The following TMEM117 variants were observed in gnomAD, a reference collection of about 807,000 sequenced individuals.
TMEM117 encodes transmembrane protein 117.
A neutral mutation model predicts 52.4 loss-of-function variants in TMEM117; 27 were observed. The ratio of observed to expected loss-of-function variants is 0.51; its 90% CI spans 0.38 to 0.71. TMEM117 has a LOEUF of 0.71. Ranked by LOEUF, TMEM117 falls within the 30% of genes least tolerant of loss-of-function variation. TMEM117 has a pLI of 0.00. For synonymous variants in TMEM117, 215 were observed against 206.3 expected (o/e 1.04, Z -0.36); for missense variants, 556 against 630.5 (o/e 0.88, Z 1.26).
intron 1 of TMEM117, among the ~76,000 whole-genome samples, chr12:43,840,674 A>C (rs1393675394): frequency 6.6e-6 from 1 of 152,242 alleles, no homozygotes; most frequent in African/African-American, 2.4e-5. Context: ...CTGGCAGTAA[A>C]CAGCCACTTC....
At chr12:44,220,173 A>G (rs929476574) in intron 5 of TMEM117, among the ~76,000 whole-genome samples, 3 of 152,194 alleles carry the variant, frequency 2.0e-5, no homozygotes, top group African/African-American at 4.8e-5. Flanking sequence ...GGAACTAGAC[A>G]TGCACAACTG....
chr12:44,199,133 C>T (rs1287247472), intron 4 of TMEM117, among the ~76,000 whole-genome samples: 1 of 151,750 alleles, frequency 6.6e-6, no homozygotes. Context: ...TCATGTCCTT[C>T]ATCATGATAA....
chr12:43,867,002 A>G (rs1241172990), intron 2 of TMEM117, among the ~76,000 whole-genome samples: 1 of 152,030 alleles, frequency 6.6e-6, no homozygotes, highest in African/African-American at 2.4e-5. Context: ...AAGCAGGAGA[A>G]TCGCTTGAAC....
At chr12:44,044,016 G>A (rs183844587) in intron 3 of TMEM117, among the ~76,000 whole-genome samples, 1 of 152,324 alleles carries the variant, frequency 6.6e-6, no homozygotes, top group Non-Finnish European at 1.5e-5. Flanking sequence ...GGAAATGCCT[G>A]CCCTCCCTTG....
At chr12:44,338,332 G>A (rs1052079174) in intron 6 of TMEM117, among the ~76,000 whole-genome samples, 2 of 152,012 alleles carry the variant, frequency 1.3e-5, no homozygotes, top group Non-Finnish European at 2.9e-5. Flanking sequence ...TTTATCTTTA[G>A]ACCTATCCTG....
chr12:44,146,728 G>T (rs754938373), intron 4 of TMEM117, among the ~76,000 whole-genome samples: 2 of 152,062 alleles, frequency 1.3e-5, no homozygotes, highest in African/African-American at 4.8e-5. Context: ...GAAGTCTAAC[G>T]TAGCCTTGAC....
intron 3 of TMEM117, among the ~76,000 whole-genome samples, chr12:43,986,563 G>A (rs1945850588): frequency 6.6e-6 from 1 of 152,010 alleles, no homozygotes; most frequent in Non-Finnish European, 1.5e-5. Flanking sequence ...TCTAAATGTG[G>A]ATTTCTTTTC....
chr12:44,010,331 T>C (rs1946269815), intron 3 of TMEM117: 3 of 439,858 alleles, frequency 6.8e-6, no homozygotes, highest in Non-Finnish European at 1.4e-5. Context: ...TCTGTTGCCA[T>C]GTCTCCCTGC....
chr12:44,096,212 G>T (rs1947758680), intron 3 of TMEM117, among the ~76,000 whole-genome samples: 1 of 152,206 alleles, frequency 6.6e-6, no homozygotes, highest in Non-Finnish European at 1.5e-5. Flanking sequence ...TGAAATAAAA[G>T]AGGATATAAA....
chr12:43,836,242 G>T (rs1480227119), intron 1 of TMEM117, 46 bp downstream of exon 1: 1 of 152,308 alleles, frequency 6.6e-6, no homozygotes, highest in Non-Finnish European at 1.5e-5. Flanking sequence ...CCAGCCGTTC[G>T]GTCCAGCCGC....
chr12:44,229,935 T>C (rs1231431036), intron 5 of TMEM117, among the ~76,000 whole-genome samples: 1 of 152,136 alleles, frequency 6.6e-6, no homozygotes, highest in Non-Finnish European at 1.5e-5. Flanking sequence ...CAAACTAACT[T>C]TGCATTTTAA....
chr12:44,094,717 C>T (rs376456877), intron 3 of TMEM117, among the ~76,000 whole-genome samples: 12 of 151,788 alleles, frequency 7.9e-5, no homozygotes, highest in African/African-American at 1.7e-4. Flanking sequence ...GCATCCAAGT[C>T]GATATTTCTA....
intron 6 of TMEM117, among the ~76,000 whole-genome samples, chr12:44,349,471 G>A (rs1329424478): frequency 6.6e-6 from 1 of 152,008 alleles, no homozygotes; most frequent in African/African-American, 2.4e-5. Flanking sequence ...GAGGAAATTA[G>A]GCAGTGCAAG....
intron 3 of TMEM117, among the ~76,000 whole-genome samples, chr12:44,023,165 T>C (rs930290576): frequency 6.6e-6 from 1 of 152,234 alleles, no homozygotes; most frequent in African/African-American, 2.4e-5. Flanking sequence ...CTTCATTTTT[T>C]ATGGCTGCAT....
Position 43,991,314 on chromosome 12 carries a change from C to G in TMEM117, c.410+46972C>G, listed in dbSNP as rs1361428029. ...TTCCACACAATATAGGATTTTGTTT[C>G]AAAATATCCTTGACAAATCGTCACA... is the stretch of plus-strand genomic sequence containing the variant. On this transcript the variant is annotated intron_variant, in intron 3 of 7. Transcript: ENST00000266534. Among the ~76,000 whole-genome samples, 5 of 152,106 alleles carry G rather than the reference C, an allele frequency of 3.3e-5. No individual in the cohort carries two copies. The East Asian group carries it at 7.7e-4, about 23-fold the overall frequency.
intron 6 of TMEM117, among the ~76,000 whole-genome samples, chr12:44,347,019 G>A (rs1951497272): frequency 6.6e-6 from 1 of 151,850 alleles, no homozygotes; most frequent in Admixed American, 6.6e-5. Context: ...TTAGACAACT[G>A]AATATAATTC....
chr12:43,872,564 C>T (rs756987864), intron 2 of TMEM117, among the ~76,000 whole-genome samples: 1 of 151,978 alleles, frequency 6.6e-6, no homozygotes, highest in Non-Finnish European at 1.5e-5. Context: ...TTAATGTTAC[C>T]AGAGAATTAG....
intron 3 of TMEM117, among the ~76,000 whole-genome samples, chr12:43,986,594 C>T (rs1393770967): frequency 6.6e-6 from 1 of 152,106 alleles, no homozygotes; most frequent in Non-Finnish European, 1.5e-5. Context: ...CTTAGAACTT[C>T]GTGGTATTCC....
rs547796775 is a variant in TMEM117 at position 44,332,030 on chromosome 12, TATTTATCA to T, written c.768+32300_768+32307del. On this transcript the variant is annotated intron_variant, in intron 6 of 7. Transcript: ENST00000266534. ...AACTCTGTGCTAGAGGCATCACACT[TATTTATCA>T]ATTTATCACATATCTGAGGCACATG... Among the ~76,000 whole-genome samples the T allele has an allele frequency of 1.7e-3, 252 of 152,190 alleles. 1 individual carries two copies. The highest frequency in any genetic ancestry group is 2.9e-3 in the Non-Finnish European group (195 of 67,984).
Sources: allele counts gnomAD v4.1 joint callset (sites outside exome capture counted in the v4.1 genomes callset), GRCh38; gene constraint gnomAD v4.1.1; transcripts MANE v1.5; gene names NCBI Gene and HGNC (gene_info 2026-07-23, HGNC 2026-07-21).